CASP14: variants seen among roughly 807,000 people sequenced by gnomAD.
The protein encoded by CASP14 is caspase 14.
Under a neutral mutation model 28.4 loss-of-function variants are expected in CASP14, and 27 were observed. That is an observed-to-expected ratio of 0.95 (90% CI 0.70 to 1.31). The LOEUF is 1.31. Ranked by LOEUF, CASP14 falls within the 50% of genes most tolerant of loss-of-function variation. The pLI, the probability that CASP14 is intolerant of heterozygous loss-of-function variation, is 0.00. For missense variants in CASP14, 323 were observed against 312.8 expected (o/e 1.03, Z -0.25); for synonymous variants, 115 against 118.6 (o/e 0.97, Z 0.20).
At chr19:15,054,040 A>C (rs1436973365) in intron 4 of CASP14, 82 bp downstream of exon 4, 2 of 1,171,138 alleles carry the variant, frequency 1.7e-6, no homozygotes, top group Non-Finnish European at 2.4e-6. Context: ...GCTGGAATGC[A>C]GTGGCGGAAT....
chr19:15,054,135 C>T (rs575056550), intron 4 of CASP14, among the ~76,000 whole-genome samples, 177 bp downstream of exon 4: 1 of 152,112 alleles, frequency 6.6e-6, no homozygotes, highest in Admixed American at 6.5e-5. Context: ...CAGGCTCCCG[C>T]CACTATGTCA....
At chr19:15,051,899 G>C (rs898620270) in intron 1 of CASP14, among the ~76,000 whole-genome samples, 5 of 152,112 alleles carry the variant, frequency 3.3e-5, no homozygotes, top group Non-Finnish European at 7.3e-5. Context: ...CAGTCCACCA[G>C]AAGCTGGTGA....
chr19:15,055,296 A>G (rs773247478), intron 5 of CASP14, 22 bp downstream of exon 5: 3 of 1,599,254 alleles, frequency 1.9e-6, no homozygotes, highest in Non-Finnish European at 2.6e-6. Flanking sequence ...CAGCTGGCCC[A>G]GGGATCCCTC....
chr19:15,052,049 A>G (rs2046093431), intron 1 of CASP14, among the ~76,000 whole-genome samples, 157 bp from the exon 2 acceptor site: 1 of 152,184 alleles, frequency 6.6e-6, no homozygotes, highest in Non-Finnish European at 1.5e-5. Flanking sequence ...TTACTACTTC[A>G]TGGATTATCA....
At chr19:15,054,219 C>T (rs904527572) in intron 4 of CASP14, among the ~76,000 whole-genome samples, 2 of 152,172 alleles carry the variant, frequency 1.3e-5, no homozygotes, top group African/African-American at 4.8e-5. Context: ...AGCAATCCTC[C>T]TGCCTCAGCC....
Position 15,053,768 on chromosome 19 carries a change from C to G in CASP14, c.213C>G (p.Ala71=), listed in dbSNP as rs142030951. ...FQEELEKFQQ[A]IDSREDPVSC... ...AAGAGCTGGAAAAATTCCAGCAGGC[C>G]ATCGATTCCCGGGAAGATCCCGTCA... is the stretch of plus-strand genomic sequence containing the variant. The change falls in exon 4 of 7, where the codon GCC becomes GCG. Residue 71 remains alanine, a synonymous_variant. Coordinates refer to ENST00000427043, the MANE Select transcript of CASP14 (RefSeq NM_012114.3). The G allele has an allele frequency of 3.1e-4, 497 of 1,613,800 alleles. 1 individual carries two copies. The East Asian group carries it at 9.9e-3, about 32-fold the overall frequency.
intron 3 of CASP14, 22 bp from the exon 4 acceptor site, chr19:15,053,711 C>A: frequency 6.2e-7 from 1 of 1,612,842 alleles, no homozygotes; most frequent in Admixed American, 1.7e-5. Flanking sequence ...CCAGCTGAGT[C>A]TGGTTCTTCC....
In CASP14 at chr19:15,050,321, TGAGA is replaced by T. The variant is rs55945511; in HGVS notation, c.-47+697_-47+700del. Reference sequence around the variant, plus strand: ...GTGTGTGTGTGTGAGTGTGTGTGTGTGAGAGAGAGAGAGAGAGAGAGAGATTTAA... The same window carrying T: ...GTGTGTGTGTGTGAGTGTGTGTGTGTGAGAGAGAGAGAGAGAGAGATTTAA... On this transcript the variant is annotated intron_variant, in intron 1 of 6. Transcript: ENST00000427043. Among the ~76,000 whole-genome samples, 1,138 of 148,784 alleles carry T rather than the reference TGAGA, an allele frequency of 7.6e-3. 26 individuals are homozygous for T. The highest frequency in any genetic ancestry group is 0.05 in the Admixed American group (740 of 14,918).
At chr19:15,051,918 C>T (rs1256256651) in intron 1 of CASP14, among the ~76,000 whole-genome samples, 1 of 151,770 alleles carries the variant, frequency 6.6e-6, no homozygotes, top group Non-Finnish European at 1.5e-5. Flanking sequence ...GAATGACCCA[C>T]GGGAGACACA....
rs769158014 is a variant in CASP14, at chr19:15,055,162, A to G, written c.408A>G (p.Gln136=). The G allele has an allele frequency of 2.9e-5, 47 of 1,613,558 alleles. No individual in the cohort carries two copies. In the East Asian group the frequency reaches 1.0e-3, roughly 36 times the overall value. ...VYIIQACRGE[Q]RDPGETVGGD... ...CTCCTCTTCTTGTTGTTTCAGAACA[A>G]AGGGACCCCGGTGAAACAGTAGGTG... The change falls in exon 5 of 7, where the codon CAA becomes CAG. Residue 136 remains glutamine (Q), a synonymous_variant. Coordinates refer to ENST00000427043, the MANE Select transcript of CASP14 (RefSeq NM_012114.3).
chr19:15,052,324 G>T, intron 2 of CASP14, 46 bp downstream of exon 2: 1 of 1,516,446 alleles, frequency 6.6e-7, no homozygotes, highest in South Asian at 1.3e-5. Flanking sequence ...CTGGGGAGAA[G>T]GAAGGTGAGG....
chr19:15,055,666 A>G, intron 6 of CASP14, 133 bp downstream of exon 6: 1 of 651,844 alleles, frequency 1.5e-6, no homozygotes, highest in Non-Finnish European at 2.7e-6. Flanking sequence ...TACAGAAACT[A>G]AGAAGCCCAC....
Position 15,053,548 on chromosome 19 carries a change from T to G in CASP14, c.94T>G (p.Ser32Ala), listed in dbSNP as rs1295253642. Residue 32 changes from serine (S) to alanine (A), a missense_variant, in exon 3 of 7, where the codon TCC becomes GCC. Physicochemically the swap from Ser to Ala is moderately conservative, Grantham distance 99. Coordinates refer to ENST00000427043, the MANE Select transcript of CASP14 (RefSeq NM_012114.3). ...GTGTGTCACCAAAGCCCGGGAAGGT[T>G]CCGAAGAAGACCTGGATGCTCTGGA... ...ILCVTKAREGSEEDLDALEHM... is the reference protein window; with the variant it reads ...ILCVTKAREGAEEDLDALEHM... 6.2e-7 allele frequency: 1 copy of G among 1,614,092 alleles called. No homozygotes were observed. The highest frequency in any genetic ancestry group is 1.6e-4 in the Middle Eastern group (1 of 6,062).
At chr19:15,050,321 TGAGAGA>T (rs55945511) in intron 1 of CASP14, among the ~76,000 whole-genome samples, 28 of 149,092 alleles carry the variant, frequency 1.9e-4, no homozygotes, top group Admixed American at 4.0e-4. Context: ...TGTGTGTGTG[TGAGAGA>T]GAGAGAGAGA....
Position 15,056,045 on chromosome 19 carries a change from C to A in CASP14, c.685C>A (p.Pro229Thr), listed in dbSNP as rs1386458311. The A allele has an allele frequency of 1.2e-6, 2 of 1,608,656 alleles. No individual in the cohort carries two copies. The highest frequency in any genetic ancestry group is 2.2e-5 in the South Asian group (2 of 89,874). ...VQEGKARKTN[P>T]EIQSTLRKRL... The stretch of plus-strand genomic sequence containing the variant: ...AGAAGGAAAAGCAAGGAAAACGAAC[C>A]CTGAAATCCAAAGCACCCTCCGGAA... Residue 229 changes from proline to threonine, a missense_variant, in exon 7 of 7, where the codon CCT (proline) becomes ACT (threonine). Pro to Thr is a conservative substitution (Grantham distance 38). Transcript: ENST00000427043.
intron 4 of CASP14, 136 bp downstream of exon 4, chr19:15,054,094 C>T (rs568031368): frequency 1.4e-6 from 1 of 702,332 alleles, no homozygotes; most frequent in South Asian, 1.9e-5. Flanking sequence ...CAGCCGTCCT[C>T]CTGCCTCAGC....
rs61731994 is a variant in CASP14, at chr19:15,053,523, G to C, written c.69G>C (p.Leu23=). 1.2e-6 allele frequency: 2 copies of C among 1,613,938 alleles called. No homozygotes were observed. Among genetic ancestry groups the C allele is most frequent in the Non-Finnish European group, 1.7e-6 (2 of 1,180,018 alleles). The change falls in exon 3 of 7, where the codon CTG becomes CTC. Residue 23 remains leucine (L), a synonymous_variant. Coordinates refer to ENST00000427043, the MANE Select transcript of CASP14 (RefSeq NM_012114.3). ...DMSGARLALI[L]CVTKAREGSE... ...CAGGTGCCCGCCTGGCCCTAATACT[G>C]TGTGTCACCAAAGCCCGGGAAGGTT...
At chr19:15,054,007 T>C in intron 4 of CASP14, 49 bp downstream of exon 4, 2 of 1,522,382 alleles carry the variant, frequency 1.3e-6, no homozygotes, top group East Asian at 4.6e-5. Flanking sequence ...TGTTTCTGTT[T>C]TGTTTTTTGA....
chr19:15,054,058 C>A, intron 4 of CASP14, 100 bp downstream of exon 4: 2 of 943,830 alleles, frequency 2.1e-6, no homozygotes, highest in South Asian at 1.7e-5. Flanking sequence ...AATCTCAACT[C>A]ACTGCAATCT....
Sources: gnomAD v4.1 joint callset for allele counts (sites outside exome capture counted in the v4.1 genomes callset) on GRCh38, gnomAD v4.1.1 for gene constraint, MANE v1.5 for transcripts, NCBI Gene and HGNC (gene_info 2026-07-23, HGNC 2026-07-21) for gene names.